Variants in STX2 observed in about 807,000 individuals in gnomAD.
STX2 encodes the protein syntaxin 2.
In STX2, 27 loss-of-function variants were observed where a neutral mutation model predicts 40.6. The ratio of observed to expected loss-of-function variants is 0.66; its 90% CI spans 0.49 to 0.92. The LOEUF (loss-of-function observed/expected upper bound fraction) is 0.92. Among genes scored for constraint, STX2 ranks in the 40% least tolerant of loss-of-function variants. The probability of loss-of-function intolerance (pLI) is 0.00; values close to 1 mark genes in which losing one functional copy is unlikely to be tolerated. For synonymous variants in STX2, 123 were observed against 119.1 expected, an observed-to-expected ratio of 1.03 and a Z score of -0.22; for missense variants, 328 against 366.1, an observed-to-expected ratio of 0.90 and a Z score of 0.85.
chr12:130,818,185 A>AAAAAAAAAAAATATAT, intron 3 of STX2, among the ~76,000 whole-genome samples: 28 of 70,514 alleles, frequency 4.0e-4, no homozygotes, highest in Non-Finnish European at 4.1e-4. Context: ...AAAAAAAAAA[A>AAAAAAAAAAAATATAT]ATATATATAT....
At chr12:130,807,416 C>T (rs1231148248) in intron 5 of STX2, among the ~76,000 whole-genome samples, 1 of 150,678 alleles carries the variant, frequency 6.6e-6, no homozygotes, top group African/African-American at 2.5e-5. Context: ...CCAGAGCCCG[C>T]GTGCTTCATC....
intron 6 of STX2, among the ~76,000 whole-genome samples, chr12:130,805,584 G>A (rs964471692): frequency 6.6e-6 from 1 of 152,196 alleles, no homozygotes; most frequent in Admixed American, 6.5e-5. Context: ...CCAGGCAGAC[G>A]AGGGTGCCAT....
intron 1 of STX2, among the ~76,000 whole-genome samples, chr12:130,828,035 G>C (rs1396333456): frequency 6.6e-6 from 1 of 152,138 alleles, no homozygotes; most frequent in African/African-American, 2.4e-5. Flanking sequence ...CTCCTCCCCA[G>C]CAGCCCATTA....
chr12:130,835,457 A>G (rs1362172354), intron 1 of STX2, among the ~76,000 whole-genome samples: 1 of 110,378 alleles, frequency 9.1e-6, no homozygotes, highest in Admixed American at 9.7e-5. Context: ...TCTATTCTTC[A>G]CTATAATAAA....
At chr12:130,834,581 T>C (rs761922895) in intron 1 of STX2, among the ~76,000 whole-genome samples, 2 of 152,160 alleles carry the variant, frequency 1.3e-5, no homozygotes, top group African/African-American at 2.4e-5. Context: ...AAATTCAGAA[T>C]AGACCTCAAG....
chr12:130,828,431 G>A (rs1353486455), intron 1 of STX2, among the ~76,000 whole-genome samples: 1 of 134,414 alleles, frequency 7.4e-6, no homozygotes, highest in Non-Finnish European at 1.5e-5. Flanking sequence ...GTAGAGACAG[G>A]ATTTCACCAT....
intron 3 of STX2, among the ~76,000 whole-genome samples, chr12:130,818,213 T>TATATATATATATAG (rs1951960217): frequency 8.3e-6 from 1 of 121,178 alleles, no homozygotes; most frequent in African/African-American, 3.7e-5. Flanking sequence ...TATATATATA[T>TATATATATATATAG]ATATAAAATT....
intron 10 of STX2, among the ~76,000 whole-genome samples, chr12:130,795,633 G>A (rs1045265525): frequency 3.9e-5 from 6 of 152,142 alleles, no homozygotes; most frequent in East Asian, 1.9e-4. Flanking sequence ...CCAGCTACTC[G>A]GGAGGCTGAG....
intron 1 of STX2, among the ~76,000 whole-genome samples, chr12:130,836,168 A>C (rs1952751612): frequency 6.6e-6 from 1 of 152,218 alleles, no homozygotes; most frequent in South Asian, 2.1e-4. Flanking sequence ...AGGGGAATTA[A>C]ACTTGTATCT....
intron 10 of STX2, among the ~76,000 whole-genome samples, chr12:130,792,685 C>T (rs1000928141): frequency 6.6e-6 from 1 of 152,162 alleles, no homozygotes; most frequent in African/African-American, 2.4e-5. Flanking sequence ...AGACTAGTCT[C>T]GAATTCTTGG....
intron 2 of STX2, among the ~76,000 whole-genome samples, chr12:130,823,163 T>C (rs1289164632): frequency 6.6e-6 from 1 of 151,278 alleles, no homozygotes; most frequent in African/African-American, 2.4e-5. Flanking sequence ...AAAAAGAAAA[T>C]TAGCCGGGCA....
chr12:130,802,369 TG>T (rs1272156855), intron 6 of STX2, among the ~76,000 whole-genome samples: 5 of 152,186 alleles, frequency 3.3e-5, no homozygotes, highest in Non-Finnish European at 7.3e-5. Context: ...GGCTAATTTT[TG>T]TATTTTTAGT....
At chr12:130,831,571 G>T (rs1427057374) in intron 1 of STX2, among the ~76,000 whole-genome samples, 3 of 152,114 alleles carry the variant, frequency 2.0e-5, no homozygotes, top group Non-Finnish European at 2.9e-5. Context: ...CCAGGAGACT[G>T]AGGCTGTAGT....
At chr12:130,835,284 G>C (rs926981911) in intron 1 of STX2, among the ~76,000 whole-genome samples, 10 of 151,854 alleles carry the variant, frequency 6.6e-5, no homozygotes, top group Non-Finnish European at 1.2e-4. Context: ...GTGAGATCCT[G>C]TCTCAAAGAA....
chr12:130,836,965 A>G (rs183406973), intron 1 of STX2, among the ~76,000 whole-genome samples: 1 of 152,360 alleles, frequency 6.6e-6, no homozygotes, highest in African/African-American at 2.4e-5. Context: ...TTGGATATAT[A>G]GAAACTGAGT....
At chr12:130,836,207 TAA>T (rs1042831421) in intron 1 of STX2, among the ~76,000 whole-genome samples, 2 of 152,184 alleles carry the variant, frequency 1.3e-5, no homozygotes, top group African/African-American at 4.8e-5. Context: ...TTTTAAATAT[TAA>T]AAGTTATTAA....
chr12:130,809,890 T>C (rs1951583725), intron 4 of STX2, among the ~76,000 whole-genome samples: 1 of 152,184 alleles, frequency 6.6e-6, no homozygotes, highest in South Asian at 2.1e-4. Flanking sequence ...CTGGACACAG[T>C]GGCGTGTACC....
chr12:130,830,203 G>A (rs1390454200), intron 1 of STX2, among the ~76,000 whole-genome samples: 1 of 152,112 alleles, frequency 6.6e-6, no homozygotes, highest in East Asian at 1.9e-4. Context: ...CCATGAGGCA[G>A]ATGCTACTGT....
intron 1 of STX2, among the ~76,000 whole-genome samples, chr12:130,836,960 T>C (rs1952772819): frequency 6.6e-6 from 1 of 152,208 alleles, no homozygotes; most frequent in Non-Finnish European, 1.5e-5. Flanking sequence ...AGGGTTTGGA[T>C]ATATAGAAAC....
Sources: allele counts gnomAD v4.1 joint callset (sites outside exome capture counted in the v4.1 genomes callset), GRCh38; gene constraint gnomAD v4.1.1; transcripts MANE v1.5; gene names NCBI Gene and HGNC (gene_info 2026-07-23, HGNC 2026-07-21).